GRM5: variants seen among roughly 807,000 people sequenced by gnomAD.
GRM5 encodes the protein metabotropic glutamate receptor 5.
In GRM5, 19 loss-of-function variants were observed where a neutral mutation model predicts 83.1. That is an observed-to-expected ratio of 0.23 (90% CI 0.16 to 0.34). The LOEUF is 0.34. GRM5 is among the 10% of genes least tolerant of loss of function. The pLI is 1.00. For synonymous variants in GRM5, 675 were observed against 633.6 expected, an observed-to-expected ratio of 1.07 and a Z score of -0.98; for missense variants, 1,160 against 1,588.3, an observed-to-expected ratio of 0.73 and a Z score of 4.58.
At chr11:88,767,422 C>T (rs1418769379) in intron 3 of GRM5, among the ~76,000 whole-genome samples, 1 of 151,926 alleles carries the variant, frequency 6.6e-6, no homozygotes, top group East Asian at 1.9e-4. Context: ...GTGAAATCAA[C>T]CTCAATGCCC....
At chr11:88,774,641 TGA>T (rs1407057129) in intron 3 of GRM5, among the ~76,000 whole-genome samples, 3 of 152,250 alleles carry the variant, frequency 2.0e-5, no homozygotes, top group African/African-American at 7.2e-5. Context: ...CCTAGTTTAC[TGA>T]GAGTTTTTAG....
In GRM5 at chr11:88,676,259, A is replaced by C. The variant is rs570480005; in HGVS notation, c.912-22856T>G. On this transcript the variant is annotated intron_variant, in intron 3 of 9. Transcript: ENST00000305447. ...ACTCTCAGCACTTCCAGAGAAACTG[A>C]GTGAGTTGTAAAGTTCTTCAAAGGA... Among the ~76,000 whole-genome samples, 12 of 152,096 alleles carry C rather than the reference A, an allele frequency of 7.9e-5. No individual in the cohort carries two copies. In the East Asian group the frequency reaches 2.3e-3, roughly 29 times the overall value.
intron 2 of GRM5, among the ~76,000 whole-genome samples, chr11:88,921,194 G>A (rs1193987655): frequency 6.6e-6 from 1 of 151,820 alleles, no homozygotes; most frequent in Non-Finnish European, 1.5e-5. Flanking sequence ...ATACAAGGAT[G>A]GTTCAACATA....
At chr11:88,559,598 A>G (rs972191801) in intron 8 of GRM5, among the ~76,000 whole-genome samples, 8 of 152,198 alleles carry the variant, frequency 5.3e-5, no homozygotes, top group African/African-American at 1.9e-4. Context: ...AGTGCTCAAT[A>G]ACTATTACTC....
chr11:89,019,512 T>C (rs908100987), intron 2 of GRM5, among the ~76,000 whole-genome samples: 2 of 150,052 alleles, frequency 1.3e-5, no homozygotes, highest in Admixed American at 1.3e-4. Context: ...CTGACCAATG[T>C]GATGAAACCC....
At chr11:88,987,065 G>A (rs960466838) in intron 2 of GRM5, among the ~76,000 whole-genome samples, 2 of 152,066 alleles carry the variant, frequency 1.3e-5, no homozygotes, top group African/African-American at 4.8e-5. Context: ...CAAGGCAGAA[G>A]ACGGGTGATT....
intron 2 of GRM5, among the ~76,000 whole-genome samples, chr11:88,945,398 G>C (rs1203982094): frequency 6.6e-6 from 1 of 151,740 alleles, no homozygotes; most frequent in Non-Finnish European, 1.5e-5. Flanking sequence ...ATGTAATGTA[G>C]CATTCATATG....
intron 4 of GRM5, among the ~76,000 whole-genome samples, chr11:88,637,784 A>G (rs1284626120): frequency 2.0e-5 from 3 of 148,754 alleles, no homozygotes; most frequent in Non-Finnish European, 4.5e-5. Flanking sequence ...ATACCATTTG[A>G]CCCAGCCATC....
rs1416464130 is a variant in GRM5 at position 88,509,201 on chromosome 11, G to T, written c.3030C>A (p.Phe1010Leu). ...GTGAGCGCGGCCGCGCGGGCGCCGG[G>T]AAGTGCTCCTCAGCCTCGGCCACAT... ...LYDVAEAEEH[F>L]PAPARPRSPS... Residue 1010 changes from phenylalanine (F) to leucine (L), a missense_variant, in exon 10 of 10, where the codon TTC becomes TTA. Physicochemically the swap from Phe to Leu is conservative, Grantham distance 22. Coordinates refer to ENST00000305447, the MANE Select transcript of GRM5 (RefSeq NM_001143831.3). 9.1e-6 allele frequency: 14 copies of T among 1,534,360 alleles called. 1 individual carries two copies. The East Asian group carries it at 3.5e-4, about 39-fold the overall frequency.
intron 2 of GRM5, among the ~76,000 whole-genome samples, chr11:89,001,452 G>C (rs578177569): frequency 6.6e-6 from 1 of 152,190 alleles, no homozygotes; most frequent in East Asian, 1.9e-4. Flanking sequence ...GCCAAACCCG[G>C]AAAGTCATAT....
chr11:88,872,427 TC>T (rs1326660166), intron 2 of GRM5, among the ~76,000 whole-genome samples: 8 of 151,584 alleles, frequency 5.3e-5, no homozygotes, highest in Non-Finnish European at 7.4e-5. Flanking sequence ...CAATTATTTC[TC>T]CTTCAAGACC....
chr11:88,990,809 A>G (rs1939937190), intron 2 of GRM5, among the ~76,000 whole-genome samples: 2 of 151,764 alleles, frequency 1.3e-5, no homozygotes, highest in Non-Finnish European at 2.9e-5. Flanking sequence ...ACAAAATTCA[A>G]CAACCCTTCA....
At chr11:88,716,493 G>T (rs1941402864) in intron 3 of GRM5, among the ~76,000 whole-genome samples, 1 of 151,880 alleles carries the variant, frequency 6.6e-6, no homozygotes, top group Non-Finnish European at 1.5e-5. Flanking sequence ...GACAAATGAA[G>T]CTGCATTCCC....
chr11:88,798,070 T>C (rs1211985347), intron 3 of GRM5, among the ~76,000 whole-genome samples: 1 of 152,134 alleles, frequency 6.6e-6, no homozygotes, highest in African/African-American at 2.4e-5. Context: ...CTGCTCTTTC[T>C]CCTTTCTCTT....
At chr11:88,822,743 C>G (rs946253167) in intron 3 of GRM5, among the ~76,000 whole-genome samples, 6 of 151,966 alleles carry the variant, frequency 3.9e-5, no homozygotes, top group African/African-American at 1.2e-4. Context: ...GCTTGCCAAA[C>G]TTTTCAACCT....
intron 3 of GRM5, among the ~76,000 whole-genome samples, chr11:88,656,778 A>T (rs181778253): frequency 9.2e-5 from 14 of 152,282 alleles, no homozygotes; most frequent in Non-Finnish European, 8.8e-5. Flanking sequence ...ATATTTGGAA[A>T]AATAATAATA....
At chr11:88,976,365 T>A (rs760733284) in intron 2 of GRM5, among the ~76,000 whole-genome samples, 2 of 152,178 alleles carry the variant, frequency 1.3e-5, no homozygotes, top group Non-Finnish European at 2.9e-5. Flanking sequence ...ATCTTGCGAA[T>A]CTACCATTTC....
intron 3 of GRM5, among the ~76,000 whole-genome samples, chr11:88,842,103 A>C (rs145617677): frequency 2.5e-3 from 382 of 152,296 alleles, no homozygotes; most frequent in Non-Finnish European, 4.0e-3. Context: ...GTTTTGATAA[A>C]TTTTAACTTC....
At chr11:88,934,713 TTATAA>T (rs1233326323) in intron 2 of GRM5, among the ~76,000 whole-genome samples, 1 of 151,904 alleles carries the variant, frequency 6.6e-6, no homozygotes, top group Non-Finnish European at 1.5e-5. Flanking sequence ...TGCTCTGGTC[TTATAA>T]TTGAATATAC....
Sources: allele counts gnomAD v4.1 joint callset (sites outside exome capture counted in the v4.1 genomes callset), GRCh38; gene constraint gnomAD v4.1.1; transcripts MANE v1.5; gene names NCBI Gene and HGNC (gene_info 2026-07-23, HGNC 2026-07-21).